The following CALCR variants were observed in gnomAD, a reference collection of about 807,000 sequenced individuals.
The protein encoded by CALCR is calcitonin receptor.
CALCR carries 47 observed loss-of-function variants against 59.5 expected under a neutral mutation model. The ratio of observed to expected loss-of-function variants is 0.79; its 90% CI spans 0.63 to 1.01. The LOEUF is 1.01. Ranked by LOEUF, CALCR falls within the 50% of genes least tolerant of loss-of-function variation. The pLI is 0.00. For synonymous variants in CALCR, 213 were observed against 211.3 expected (o/e 1.01, Z -0.07); for missense variants, 566 against 597.1 (o/e 0.95, Z 0.54).
intron 2 of CALCR, among the ~76,000 whole-genome samples, chr7:93,531,724 C>T (rs866213748): frequency 7.2e-5 from 11 of 152,104 alleles, no homozygotes; most frequent in Non-Finnish European, 1.5e-4. Flanking sequence ...ACTGTGAACG[C>T]TACTTGTAAT....
intron 3 of CALCR, among the ~76,000 whole-genome samples, chr7:93,482,288 A>G (rs1800815361): frequency 6.6e-6 from 1 of 151,856 alleles, no homozygotes; most frequent in African/African-American, 2.4e-5. Context: ...TAGAGATATT[A>G]ATTATTGGTT....
intron 2 of CALCR, among the ~76,000 whole-genome samples, chr7:93,524,174 CTT>C (rs376632123): frequency 4.3e-5 from 6 of 139,946 alleles, no homozygotes; most frequent in Non-Finnish European, 4.7e-5. Context: ...ATTTTTTTTT[CTT>C]TTTTTTTTTT....
intron 2 of CALCR, among the ~76,000 whole-genome samples, chr7:93,533,169 A>G (rs1788892313): frequency 6.6e-6 from 1 of 151,978 alleles, no homozygotes; most frequent in Non-Finnish European, 1.5e-5. Context: ...ATATGTAATA[A>G]TGGTTTCGTT....
intron 2 of CALCR, among the ~76,000 whole-genome samples, chr7:93,509,781 A>G (rs1801504346): frequency 6.6e-6 from 1 of 152,188 alleles, no homozygotes; most frequent in African/African-American, 2.4e-5. Context: ...TATATATATG[A>G]CAATACTATA....
At position 93,527,273 on chromosome 7, in the gene CALCR, CAT is replaced by C. The variant is rs565795131; in HGVS notation, c.-26-40268_-26-40267del. Among the ~76,000 whole-genome samples the C allele has an allele frequency of 8.6e-5, 13 of 151,294 alleles. No homozygotes were observed. In the South Asian group the frequency reaches 1.7e-3, roughly 19 times the overall value. The stretch of plus-strand genomic sequence containing the variant: ...GTACATATCATTATACTAAAATAAA[CAT>C]AAAATATATTTATACAAATGTATAT... On this transcript the variant is annotated intron_variant, in intron 2 of 13. Coordinates refer to ENST00000426151, the MANE Select transcript of CALCR (RefSeq NM_001742.4).
chr7:93,472,302 A>T, intron 6 of CALCR, 73 bp downstream of exon 6: 2 of 834,778 alleles, frequency 2.4e-6, no homozygotes, highest in African/African-American at 3.5e-5. Flanking sequence ...CAGATATTTT[A>T]CAGTTATGCG....
chr7:93,475,698 A>G (rs1296953966), intron 5 of CALCR, among the ~76,000 whole-genome samples: 3 of 151,876 alleles, frequency 2.0e-5, no homozygotes, highest in African/African-American at 7.2e-5. Flanking sequence ...GTTTTGTTTT[A>G]ACTAAAGTCT....
intron 8 of CALCR, among the ~76,000 whole-genome samples, chr7:93,457,143 C>A (rs900224913): frequency 6.6e-6 from 1 of 152,054 alleles, no homozygotes; most frequent in Non-Finnish European, 1.5e-5. Context: ...CTGCCAAGAG[C>A]AATTAATAGA....
intron 4 of CALCR, among the ~76,000 whole-genome samples, chr7:93,479,079 G>A (rs1279349357): frequency 6.6e-6 from 1 of 151,648 alleles, no homozygotes; most frequent in Admixed American, 6.6e-5. Context: ...TCCCTCACTC[G>A]GTCCTTTACT....
chr7:93,502,549 A>C (rs1801340858), intron 2 of CALCR, among the ~76,000 whole-genome samples: 1 of 152,108 alleles, frequency 6.6e-6, no homozygotes, highest in Non-Finnish European at 1.5e-5. Context: ...TAAGTTTGTA[A>C]GCTGTAAACA....
At chr7:93,495,877 G>A (rs374665085) in intron 2 of CALCR, 2 of 1,528,648 alleles carry the variant, frequency 1.3e-6, no homozygotes, top group African/African-American at 1.4e-5. Flanking sequence ...AATCTATACT[G>A]GTTTGTATCC....
chr7:93,432,707 C>T (rs1024998783), intron 13 of CALCR, among the ~76,000 whole-genome samples: 2 of 152,076 alleles, frequency 1.3e-5, no homozygotes, highest in Non-Finnish European at 2.9e-5. Flanking sequence ...TGCATGCAAT[C>T]CTCTTGTGTT....
At chr7:93,523,238 A>C in intron 2 of CALCR, among the ~76,000 whole-genome samples, 1 of 152,154 alleles carries the variant, frequency 6.6e-6, no homozygotes, top group East Asian at 1.9e-4. Context: ...TGCCTACTTC[A>C]TTCTGGATAG....
At chr7:93,543,267 C>T (rs774216703) in intron 2 of CALCR, among the ~76,000 whole-genome samples, 1 of 152,106 alleles carries the variant, frequency 6.6e-6, no homozygotes, top group Non-Finnish European at 1.5e-5. Context: ...GCCTCAGCCT[C>T]CAGAGCAGCT....
At chr7:93,459,509 C>T (rs1044790701) in intron 8 of CALCR, among the ~76,000 whole-genome samples, 3 of 152,132 alleles carry the variant, frequency 2.0e-5, no homozygotes, top group African/African-American at 7.2e-5. Context: ...CCTCAAGGTG[C>T]TCCTCCTCTG....
At chr7:93,568,936 C>G (rs1165876586) in intron 2 of CALCR, among the ~76,000 whole-genome samples, 1 of 151,994 alleles carries the variant, frequency 6.6e-6, no homozygotes, top group African/African-American at 2.4e-5. Flanking sequence ...TACTCCTTGT[C>G]CCGACTTGGT....
chr7:93,479,059 G>T (rs1584568580), intron 4 of CALCR, among the ~76,000 whole-genome samples: 2 of 151,756 alleles, frequency 1.3e-5, no homozygotes, highest in African/African-American at 4.8e-5. Flanking sequence ...CTGTCATTTT[G>T]TACATCCCCT....
At chr7:93,479,823 C>T (rs1335782931) in intron 3 of CALCR, among the ~76,000 whole-genome samples, 2 of 151,664 alleles carry the variant, frequency 1.3e-5, no homozygotes, top group African/African-American at 4.8e-5. Flanking sequence ...TAGAAGTAAA[C>T]AAAACAAATA....
intron 2 of CALCR, among the ~76,000 whole-genome samples, chr7:93,544,028 T>C (rs989199258): frequency 6.6e-6 from 1 of 151,936 alleles, no homozygotes; most frequent in African/African-American, 2.4e-5. Flanking sequence ...AAAAGCAGAA[T>C]AGAAATTGAA....
Sources: allele counts gnomAD v4.1 joint callset (sites outside exome capture counted in the v4.1 genomes callset), GRCh38; gene constraint gnomAD v4.1.1; transcripts MANE v1.5; gene names NCBI Gene and HGNC (gene_info 2026-07-23, HGNC 2026-07-21).